LONP2: variants seen among roughly 807,000 people sequenced by gnomAD.
LONP2 encodes the protein lon protease homolog 2, peroxisomal.
In LONP2, 60 loss-of-function variants were observed where a neutral mutation model predicts 85.6. The ratio of observed to expected loss-of-function variants is 0.70; its 90% CI spans 0.57 to 0.87. The LOEUF is 0.87. Ranked by LOEUF, LONP2 falls within the 40% of genes least tolerant of loss-of-function variation. LONP2 has a pLI of 0.00. For missense variants in LONP2, 860 were observed against 1,063.5 expected (o/e 0.81, Z 2.66); for synonymous variants, 395 against 389.7 (o/e 1.01, Z -0.16).
intron 9 of LONP2, among the ~76,000 whole-genome samples, chr16:48,299,005 C>A (rs1443758569): frequency 1.3e-5 from 2 of 151,866 alleles, no homozygotes; most frequent in African/African-American, 4.8e-5. Context: ...ATTCTCGTGC[C>A]TCAGCCTCCA....
At chr16:48,296,932 C>A (rs1447993375) in intron 9 of LONP2, among the ~76,000 whole-genome samples, 1 of 151,816 alleles carries the variant, frequency 6.6e-6, no homozygotes, top group East Asian at 1.9e-4. Context: ...ATTTTAATTG[C>A]TCAGAATTGT....
At chr16:48,254,364 A>ATTT (rs141945767) in intron 2 of LONP2, among the ~76,000 whole-genome samples, 1 of 138,784 alleles carries the variant, frequency 7.2e-6, no homozygotes. Context: ...TCCATCTCTG[A>ATTT]TTTTTTTTTT....
chr16:48,254,600 T>A (rs1261137215), intron 2 of LONP2, among the ~76,000 whole-genome samples: 1 of 151,770 alleles, frequency 6.6e-6, no homozygotes, highest in Non-Finnish European at 1.5e-5. Flanking sequence ...CCTGACCTCA[T>A]GATCCAACCG....
chr16:48,314,886 T>C (rs556419619), intron 11 of LONP2, among the ~76,000 whole-genome samples: 66 of 152,212 alleles, frequency 4.3e-4, no homozygotes, highest in Non-Finnish European at 7.1e-4. Flanking sequence ...TTAATCATAA[T>C]TGTTTGTGGA....
At chr16:48,321,851 G>A (rs1721835128) in intron 11 of LONP2, among the ~76,000 whole-genome samples, 7 of 152,168 alleles carry the variant, frequency 4.6e-5, no homozygotes, top group Admixed American at 4.6e-4. Flanking sequence ...GCAAGTGAGT[G>A]GGAGTGAATG....
At chr16:48,329,488 G>A (rs769895677) in intron 11 of LONP2, among the ~76,000 whole-genome samples, 1 of 152,188 alleles carries the variant, frequency 6.6e-6, no homozygotes, top group Non-Finnish European at 1.5e-5. Context: ...AAAGCCAAGA[G>A]CAGTGATGCT....
intron 8 of LONP2, among the ~76,000 whole-genome samples, chr16:48,282,868 G>A (rs1307782527): frequency 3.9e-5 from 6 of 152,184 alleles, no homozygotes; most frequent in Non-Finnish European, 7.3e-5. Context: ...AGTGAGGAAG[G>A]CATGTTGAAA....
At chr16:48,244,707 G>C (rs1402772166) in intron 1 of LONP2, 86 bp downstream of exon 1, 1 of 1,000,232 alleles carries the variant, frequency 1.0e-6, no homozygotes, top group South Asian at 2.7e-5. Context: ...CCTTGAGCGC[G>C]AGGCTCAGTT....
intron 14 of LONP2, among the ~76,000 whole-genome samples, chr16:48,350,014 A>G (rs532190484): frequency 1.3e-5 from 2 of 152,168 alleles, no homozygotes; most frequent in Non-Finnish European, 2.9e-5. Context: ...GCACTTTGGG[A>G]GGCTAAACAG....
At chr16:48,357,376 A>C (rs574448277), downstream of LONP2, 2 of 152,218 alleles carry the variant, frequency 1.3e-5, no homozygotes, top group Admixed American at 6.5e-5. Context: ...CATAAGCAGT[A>C]AACTACCAAA....
chr16:48,348,492 T>G (rs1170641867), intron 14 of LONP2, among the ~76,000 whole-genome samples: 1 of 145,252 alleles, frequency 6.9e-6, no homozygotes, highest in East Asian at 2.0e-4. Flanking sequence ...TTTTCCTTTT[T>G]TTTTTTTTTT....
Position 48,362,548 on chromosome 16 carries a change from A to G in LONP2, c.*685A>G. 1.0e-6 allele frequency: 1 copy of G among 986,860 alleles called. No homozygotes were observed. Among genetic ancestry groups the G allele is most frequent in the Non-Finnish European group, 1.5e-6 (1 of 668,284 alleles). 61.1% of individuals were successfully genotyped at this position (986,860 alleles called of 1,614,324 possible). On this transcript the variant is annotated 3_prime_UTR_variant, in exon 5 of 5. Transcript: ENST00000565867. This position sits in a 1 kb window ranked among gnomAD's most constrained non-coding sequence, Gnocchi z 4.2. ...TTTCATACAAAATTTACTGAGCAAA[A>G]GAGGAAGAAAAATAGGATTAAAAAA...
intron 11 of LONP2, among the ~76,000 whole-genome samples, chr16:48,310,076 A>G (rs1972997955): frequency 6.6e-6 from 1 of 151,292 alleles, no homozygotes; most frequent in Non-Finnish European, 1.5e-5. Flanking sequence ...AAAAAAAACT[A>G]TTGTTGATTT....
At chr16:48,360,384 C>T (rs986853112), downstream of LONP2, 20 of 131,278 alleles carry the variant, frequency 1.5e-4, no homozygotes, top group African/African-American at 7.4e-4. Context: ...AGGCCATATA[C>T]CCAGTTATTT....
At chr16:48,359,648 C>T (rs1960500235), downstream of LONP2, among the ~76,000 whole-genome samples, 5 of 151,398 alleles carry the variant, frequency 3.3e-5, no homozygotes, top group South Asian at 8.4e-4. Context: ...CCCAGGAGGC[C>T]GAGGTTGCAG....
At chr16:48,315,223 A>G (rs1206292327) in intron 11 of LONP2, among the ~76,000 whole-genome samples, 1 of 152,214 alleles carries the variant, frequency 6.6e-6, no homozygotes, top group African/African-American at 2.4e-5. Flanking sequence ...TCCAGTAAAC[A>G]CTATGCCTTG....
At chr16:48,246,299 TGA>T in intron 1 of LONP2, among the ~76,000 whole-genome samples, 1 of 152,224 alleles carries the variant, frequency 6.6e-6, no homozygotes, top group South Asian at 2.1e-4. Flanking sequence ...CAGTACTCTT[TGA>T]TAAATTGTAT....
chr16:48,330,540 G>A (rs898708766), intron 11 of LONP2, among the ~76,000 whole-genome samples: 3 of 152,174 alleles, frequency 2.0e-5, no homozygotes, highest in African/African-American at 4.8e-5. Context: ...ACATATAACC[G>A]GGGGTTCGTT....
downstream of LONP2, chr16:48,360,586 TTTTTGCAAACTGCC>T (rs1211848403): frequency 6.6e-6 from 1 of 152,610 alleles, no homozygotes; most frequent in African/African-American, 2.4e-5. Flanking sequence ...CCAAAAACAT[TTTTTGCAAACTGCC>T]TTTTTAAACA....
Sources: allele counts gnomAD v4.1 joint callset (sites outside exome capture counted in the v4.1 genomes callset), GRCh38; gene constraint gnomAD v4.1.1; non-coding constraint Gnocchi (gnomAD v3.1); transcripts MANE v1.5; gene names NCBI Gene and HGNC (gene_info 2026-07-23, HGNC 2026-07-21).